SNTB2: variants seen among roughly 807,000 people sequenced by gnomAD.
SNTB2 encodes beta-2-syntrophin.
In SNTB2, 34 loss-of-function variants were observed where a neutral mutation model predicts 46.2. That is an observed-to-expected ratio of 0.74 (90% CI 0.56 to 0.98). The LOEUF (loss-of-function observed/expected upper bound fraction) is 0.98, where lower values mean the gene tolerates loss of function less well. Among genes scored for constraint, SNTB2 ranks in the 50% least tolerant of loss-of-function variants. SNTB2 has a pLI of 0.00. For synonymous variants in SNTB2, 290 were observed against 312.6 expected, an observed-to-expected ratio of 0.93 and a Z score of 0.76; for missense variants, 603 against 731.4, an observed-to-expected ratio of 0.82 and a Z score of 2.02.
At chr16:69,264,141 C>T (rs1040951573) in intron 3 of SNTB2, among the ~76,000 whole-genome samples, 2 of 152,162 alleles carry the variant, frequency 1.3e-5, no homozygotes, top group African/African-American at 2.4e-5. Flanking sequence ...CCCACAGTCG[C>T]GAAGAGGCAC....
intron 4 of SNTB2, among the ~76,000 whole-genome samples, chr16:69,276,087 G>A (rs1244586876): frequency 6.6e-6 from 1 of 152,204 alleles, no homozygotes; most frequent in Middle Eastern, 3.4e-3. Flanking sequence ...TGAGATTAAA[G>A]CCAGATACAT....
intron 1 of SNTB2, among the ~76,000 whole-genome samples, chr16:69,200,890 ATAAAG>A (rs1344895054): frequency 6.6e-6 from 1 of 152,160 alleles, no homozygotes; most frequent in African/African-American, 2.4e-5. Context: ...CACCTGACTG[ATAAAG>A]TTGAGAGATC....
chr16:69,250,219 A>G (rs1255223968), intron 2 of SNTB2, among the ~76,000 whole-genome samples: 1 of 152,248 alleles, frequency 6.6e-6, no homozygotes, highest in Non-Finnish European at 1.5e-5. Context: ...TAAAAGTAGT[A>G]GGATTACAAG....
chr16:69,251,607 C>T (rs192042440), intron 2 of SNTB2, among the ~76,000 whole-genome samples: 2,367 of 151,696 alleles, frequency 0.016, 33 homozygotes, highest in Non-Finnish European at 0.024. Context: ...GGAGAAACCC[C>T]GTCTCTACTA....
intron 5 of SNTB2, among the ~76,000 whole-genome samples, chr16:69,292,379 T>TAA (rs1491168503): frequency 3.3e-5 from 1 of 30,304 alleles, no homozygotes; most frequent in African/African-American, 1.7e-4. Context: ...TATATATATA[T>TAA]TATATATATA....
intron 1 of SNTB2, among the ~76,000 whole-genome samples, chr16:69,221,547 G>A (rs1964405073): frequency 1.3e-5 from 2 of 152,132 alleles, no homozygotes. Flanking sequence ...AGGCTGACGT[G>A]GGCAGATCAC....
At chr16:69,259,953 G>A in intron 2 of SNTB2, 97 bp from the exon 3 acceptor site, 1 of 928,912 alleles carries the variant, frequency 1.1e-6, no homozygotes. Context: ...TTTGAAGAAT[G>A]CAAAATTAAA....
chr16:69,207,170 T>G (rs1270113262), intron 1 of SNTB2, among the ~76,000 whole-genome samples: 4 of 150,012 alleles, frequency 2.7e-5, no homozygotes. Context: ...TTTTTTTTTT[T>G]GAGAGATGGT....
chr16:69,206,786 A>G (rs1964223786), intron 1 of SNTB2, among the ~76,000 whole-genome samples: 1 of 150,976 alleles, frequency 6.6e-6, no homozygotes, highest in Non-Finnish European at 1.5e-5. Context: ...TTTTTTTGAG[A>G]CAGAGTTTTG....
intron 2 of SNTB2, among the ~76,000 whole-genome samples, chr16:69,251,195 G>T (rs1224760403): frequency 6.6e-6 from 1 of 150,978 alleles, no homozygotes; most frequent in Non-Finnish European, 1.5e-5. Context: ...AGCCGGGATG[G>T]TCTCGATCTG....
intron 1 of SNTB2, among the ~76,000 whole-genome samples, chr16:69,213,561 A>G (rs1964312017): frequency 5.9e-5 from 9 of 151,750 alleles, no homozygotes; most frequent in Admixed American, 5.9e-4. Flanking sequence ...GAGCAGTGGC[A>G]TAATCTTGGC....
intron 1 of SNTB2, among the ~76,000 whole-genome samples, chr16:69,198,000 AAACAGCAATG>A (rs753757737): frequency 1.1e-4 from 17 of 152,234 alleles, no homozygotes; most frequent in Non-Finnish European, 2.4e-4. Flanking sequence ...ATTCTGCTAA[AAACAGCAATG>A]AAAGACTAAA....
rs927211532 is a variant in SNTB2, at chr16:69,306,580, C to T, written c.*5656C>T. On this transcript the variant is annotated 3_prime_UTR_variant, in exon 7 of 7. Coordinates refer to ENST00000336278, the MANE Select transcript of SNTB2 (RefSeq NM_006750.4). ...CCTTTTAAAATAGATTGGTTAAAAC[C>T]AAAAACCTATAAGAGAGAAATGATA... 1.3e-5 allele frequency: 2 copies of T among 152,128 alleles called. No homozygotes were observed. Among genetic ancestry groups the T allele is most frequent in the Non-Finnish European group, 2.9e-5 (2 of 68,018 alleles). The allele number at this position is 152,128 out of a possible 1,614,324, so 9.4% of individuals were successfully genotyped here.
chr16:69,192,781 T>C (rs1182902192), intron 1 of SNTB2, among the ~76,000 whole-genome samples: 1 of 152,218 alleles, frequency 6.6e-6, no homozygotes, highest in Non-Finnish European at 1.5e-5. Context: ...CGTGAAATAA[T>C]TTTATATATG....
At chr16:69,198,085 T>C (rs1474079083) in intron 1 of SNTB2, among the ~76,000 whole-genome samples, 1 of 150,522 alleles carries the variant, frequency 6.6e-6, no homozygotes, top group Admixed American at 6.7e-5. Context: ...TCCTTTACAA[T>C]GTAACAGAGT....
rs1965177628 is a variant in SNTB2, at chr16:69,292,408, T to TA, written c.1346-7181dup. On this transcript the variant is annotated intron_variant, in intron 5 of 6. Coordinates refer to ENST00000336278, the MANE Select transcript of SNTB2 (RefSeq NM_006750.4). ...ATATATATTATATATATATATATATTATATATATATTATATATATATATAT... is the reference window on the plus strand; with the variant it reads ...ATATATATTATATATATATATATATTAATATATATATTATATATATATATAT... Among the ~76,000 whole-genome samples, 33 of 9,236 alleles carry TA rather than the reference T, an allele frequency of 3.6e-3. 4 individuals are homozygous for TA. The African/African-American group carries it at 0.072, about 20-fold the overall frequency. 6.1% of individuals were successfully genotyped at this position (9,236 alleles called of 152,430 possible).
At chr16:69,284,459 TAAAAAAAAAAA>T (rs3087058) in intron 5 of SNTB2, among the ~76,000 whole-genome samples, 7 of 45,910 alleles carry the variant, frequency 1.5e-4, no homozygotes, top group South Asian at 2.4e-3. Context: ...CCGTCTTTAC[TAAAAAAAAAAA>T]AAAAAAAAAA....
intron 1 of SNTB2, among the ~76,000 whole-genome samples, chr16:69,213,686 G>A (rs1597174730): frequency 6.7e-6 from 1 of 150,290 alleles, no homozygotes; most frequent in East Asian, 2.0e-4. Flanking sequence ...TTTTAGTAGA[G>A]ATGGGGTTTC....
At chr16:69,235,828 A>G (rs939058452) in intron 1 of SNTB2, 6 of 1,289,162 alleles carry the variant, frequency 4.7e-6, no homozygotes, top group South Asian at 1.2e-5. Flanking sequence ...ATATCCTGGA[A>G]TTGTGGTGAG....
Sources: gnomAD v4.1 joint callset for allele counts (sites outside exome capture counted in the v4.1 genomes callset) on GRCh38, gnomAD v4.1.1 for gene constraint, MANE v1.5 for transcripts, NCBI Gene and HGNC (gene_info 2026-07-23, HGNC 2026-07-21) for gene names.